Variants in HIRA observed in about 807,000 individuals in gnomAD.
HIRA encodes protein HIRA.
HIRA carries 13 observed loss-of-function variants against 126.6 expected under a neutral mutation model. The ratio of observed to expected loss-of-function variants is 0.10; its 90% confidence interval spans 0.07 to 0.16. The LOEUF (loss-of-function observed/expected upper bound fraction) is 0.16. Among genes scored for constraint, HIRA ranks in the 10% least tolerant of loss-of-function variants. The pLI is 1.00. For missense variants in HIRA, 834 were observed against 1,314.4 expected (o/e 0.63, Z 5.65); for synonymous variants, 511 against 520.0 (o/e 0.98, Z 0.24).
intron 15 of HIRA, among the ~76,000 whole-genome samples, chr22:19,365,155 G>A (rs1489419523): frequency 6.6e-6 from 1 of 152,206 alleles, no homozygotes; most frequent in Non-Finnish European, 1.5e-5. Flanking sequence ...GGCTCATGAA[G>A]TTTAAGGAAA....
chr22:19,405,036 T>G (rs1472103479), intron 5 of HIRA, among the ~76,000 whole-genome samples: 2 of 152,198 alleles, frequency 1.3e-5, no homozygotes, highest in Non-Finnish European at 2.9e-5. Flanking sequence ...GACAAGGGAC[T>G]CCCTCAGTAA....
chr22:19,394,726 C>T (rs941351124), intron 7 of HIRA, among the ~76,000 whole-genome samples: 8 of 152,182 alleles, frequency 5.3e-5, no homozygotes, highest in African/African-American at 1.9e-4. Context: ...CTACACTCCC[C>T]CAGAGGAGCT....
At position 19,360,828 on chromosome 22, in the gene HIRA, A is replaced by G. The variant is rs117528825; in HGVS notation, c.2085+409T>C. ...TGATGATTGACTGTGCCAGACACTGAGAAGACAAAGCTAGCAGGATGGTTG... is the reference window on the plus strand; with the variant it reads ...TGATGATTGACTGTGCCAGACACTGGGAAGACAAAGCTAGCAGGATGGTTG... On this transcript the variant is annotated intron_variant, in intron 17 of 24. Coordinates refer to ENST00000263208, the MANE Select transcript of HIRA (RefSeq NM_003325.4). Among the ~76,000 whole-genome samples, 94 of 152,386 alleles carry G rather than the reference A, an allele frequency of 6.2e-4. No homozygotes were observed. In the East Asian group the frequency reaches 0.017, roughly 28 times the overall value.
In HIRA at chr22:19,361,307, A is replaced by G; in HGVS notation, c.2015T>C (p.Met672Thr). ...PAALTAEKEAMCLSAPALALK... is the reference protein window; with the variant it reads ...PAALTAEKEATCLSAPALALK... ...TGCAAGTGCTGGTGCAGACAGACAC[A>G]TGGCCTCCTTCTCTGCGGTTAGGGC... Residue 672 changes from methionine (M) to threonine (T), a missense_variant, in exon 17 of 25, where the codon ATG becomes ACG. By Grantham distance (81) the Met-to-Thr change is moderately conservative. Around this residue, in one of 5 missense-constraint regions of HIRA, gnomAD observed 468 missense variants for 574.2 expected, o/e 0.82. Transcript: ENST00000263208. 2 of 1,614,256 alleles carry G rather than the reference A, an allele frequency of 1.2e-6. No homozygotes were observed. The highest frequency in any genetic ancestry group is 1.7e-6 in the Non-Finnish European group (2 of 1,180,044).
chr22:19,386,708 T>C (rs931468415), intron 11 of HIRA, among the ~76,000 whole-genome samples: 6 of 152,104 alleles, frequency 3.9e-5, no homozygotes, highest in African/African-American at 1.4e-4. Context: ...ACTTGGGAAA[T>C]GGTAAGCAGA....
chr22:19,408,227 T>C (rs748695928), intron 3 of HIRA, among the ~76,000 whole-genome samples: 6 of 152,062 alleles, frequency 3.9e-5, no homozygotes, highest in Non-Finnish European at 8.8e-5. Flanking sequence ...CAAAGCCCCA[T>C]GGAATCAGGC....
intron 1 of HIRA, among the ~76,000 whole-genome samples, chr22:19,423,096 A>G (rs1166618056): frequency 6.0e-5 from 9 of 150,850 alleles, no homozygotes; most frequent in Non-Finnish European, 5.9e-5. Context: ...GCCCTCCCCA[A>G]TAATCCTGCA....
Position 19,369,108 on chromosome 22 carries a change from C to G in HIRA, c.1775+6523G>C, listed in dbSNP as rs532149289. On this transcript the variant is annotated intron_variant, in intron 15 of 24. Transcript: ENST00000263208. Reference sequence around the variant, plus strand: ...GAGCACAGCTGGCCAGGGCTGCCCCCCTTACAAATGGGCTCCATCCTAGGT... The same window carrying G: ...GAGCACAGCTGGCCAGGGCTGCCCCGCTTACAAATGGGCTCCATCCTAGGT... Among the ~76,000 whole-genome samples the G allele has an allele frequency of 4.1e-4, 63 of 152,224 alleles. 1 individual carries two copies. The highest frequency in any genetic ancestry group is 1.5e-3 in the African/African-American group (61 of 41,588).
rs143031021 is a variant in HIRA, at chr22:19,351,200, C to G, written c.2937+158G>C. 2 of 985,200 alleles carry G rather than the reference C, an allele frequency of 2.0e-6. No homozygotes were observed. Among genetic ancestry groups the G allele is most frequent in the African/African-American group, 1.7e-5 (1 of 57,194 alleles). 61.0% of individuals were successfully genotyped at this position (985,200 alleles called of 1,614,324 possible). The stretch of plus-strand genomic sequence containing the variant: ...CAGCTCCTGCCAGGTTGTGGAGGGC[C>G]GTCGGCATGTCACCCTCTCACTGAT... On this transcript the variant is annotated intron_variant, in intron 24 of 24. Transcript: ENST00000263208. The surrounding 1 kb of genome is among the most constrained non-coding windows in gnomAD (Gnocchi z 4.8).
chr22:19,350,960 C>A (rs541760933), intron 24 of HIRA: 38 of 194,012 alleles, frequency 2.0e-4, no homozygotes, highest in Non-Finnish European at 2.8e-4. Context: ...GAAGACCCTG[C>A]TTACTTCCTT....
At position 19,410,825 on chromosome 22, in the gene HIRA, C is replaced by A; in HGVS notation, c.38-47G>T. 3 of 1,450,026 alleles carry A rather than the reference C, an allele frequency of 2.1e-6. No individual in the cohort carries two copies. The South Asian group carries it at 3.4e-5, about 17-fold the overall frequency. The allele number at this position is 1,450,026 out of a possible 1,614,324, so 89.8% of individuals were successfully genotyped here. ...TACAGTATCTAAATTGGCTTTTATTCATTGAAGTGTATCAAACTCAACAGA... is the reference window on the plus strand; with the variant it reads ...TACAGTATCTAAATTGGCTTTTATTAATTGAAGTGTATCAAACTCAACAGA... On this transcript the variant is annotated intron_variant, in intron 1 of 24. Transcript: ENST00000263208.
chr22:19,360,207 C>T (rs2023639), intron 17 of HIRA, among the ~76,000 whole-genome samples: 4,648 of 152,158 alleles, frequency 0.031, 146 homozygotes, highest in South Asian at 0.13. Flanking sequence ...GGGCTGACTG[C>T]CCCCTTCACA....
chr22:19,407,420 C>A, intron 3 of HIRA, 146 bp from the exon 4 acceptor site: 6 of 644,776 alleles, frequency 9.3e-6, no homozygotes, highest in Non-Finnish European at 1.6e-5. Flanking sequence ...CCCAGAAAAA[C>A]AATTCAGTTT....
intron 15 of HIRA, among the ~76,000 whole-genome samples, chr22:19,369,143 T>C (rs1473107487): frequency 6.6e-6 from 1 of 152,138 alleles, no homozygotes; most frequent in African/African-American, 2.4e-5. Context: ...TTCTGTCTGC[T>C]CAGGCCTACT....
intron 5 of HIRA, among the ~76,000 whole-genome samples, chr22:19,403,689 T>G (rs544061064): frequency 2.2e-4 from 33 of 152,360 alleles, no homozygotes; most frequent in Middle Eastern, 3.4e-3. Context: ...TTTTTCTATC[T>G]TTATTCATAT....
chr22:19,372,060 TA>T (rs1046478482), intron 15 of HIRA, among the ~76,000 whole-genome samples: 16 of 152,208 alleles, frequency 1.1e-4, no homozygotes, highest in Non-Finnish European at 2.4e-4. Context: ...CCAAAGGTGC[TA>T]AAAGACTTTA....
At position 19,426,114 on chromosome 22, in the gene HIRA, C is replaced by T. The variant is rs191586164; in HGVS notation, c.37+5326G>A. 3.9e-5 allele frequency among the ~76,000 whole-genome samples: 6 copies of T among 152,352 alleles called. No homozygotes were observed. In the East Asian group the frequency reaches 1.2e-3, roughly 29 times the overall value. Reference sequence around the variant, plus strand: ...TGGCCAAGTCCCATTAATTCTACCTCTACCCTGTCTTTAGTGCCTCTCTAT... The same window carrying T: ...TGGCCAAGTCCCATTAATTCTACCTTTACCCTGTCTTTAGTGCCTCTCTAT... On this transcript the variant is annotated intron_variant, in intron 1 of 24. Coordinates refer to ENST00000263208, the MANE Select transcript of HIRA (RefSeq NM_003325.4).
chr22:19,343,819 C>T (rs181624701), intron 24 of HIRA, among the ~76,000 whole-genome samples: 6 of 150,628 alleles, frequency 4.0e-5, no homozygotes, highest in East Asian at 2.0e-4. Flanking sequence ...CCCAGCTACT[C>T]GGGAGGCAGA....
intron 1 of HIRA, among the ~76,000 whole-genome samples, chr22:19,415,360 G>A (rs994557832): frequency 3.3e-5 from 5 of 152,070 alleles, no homozygotes; most frequent in African/African-American, 1.2e-4. Flanking sequence ...AAATTTGTAG[G>A]AATAAACTTA....
Sources: gnomAD v4.1 joint callset for allele counts (sites outside exome capture counted in the v4.1 genomes callset) on GRCh38, gnomAD v4.1.1 for gene constraint, gnomAD v4.1.1 regional missense constraint, Gnocchi (gnomAD v3.1) non-coding constraint, MANE v1.5 for transcripts, NCBI Gene and HGNC (gene_info 2026-07-23, HGNC 2026-07-21) for gene names.